The following GLB1 variants were observed in gnomAD, a reference collection of about 807,000 sequenced individuals.
The protein encoded by GLB1 is beta-galactosidase.
In GLB1, 56 loss-of-function variants were observed where a neutral mutation model predicts 74.0. That is an observed-to-expected ratio of 0.76 (90% CI 0.61 to 0.94). The LOEUF (loss-of-function observed/expected upper bound fraction) is 0.94, where lower values mean the gene tolerates loss of function less well. Among genes scored for constraint, GLB1 ranks in the 40% least tolerant of loss-of-function variants. The probability of loss-of-function intolerance (pLI) is 0.00; values close to 1 mark genes in which losing one functional copy is unlikely to be tolerated. For missense variants in GLB1, 787 were observed against 845.5 expected (o/e 0.93, Z 0.86); for synonymous variants, 323 against 323.6 (o/e 1.00, Z 0.02).
chr3:33,084,039 G>T (rs991565670), intron 1 of GLB1, among the ~76,000 whole-genome samples: 1 of 152,088 alleles, frequency 6.6e-6, no homozygotes, highest in African/African-American at 2.4e-5. Context: ...CTGTCTTCAG[G>T]TCCTTCAGTA....
rs1275287831 is a variant in GLB1 at position 33,074,320 on chromosome 3, A to AGAAAGAAGGAAGGAAGGAAG, written c.76-1627_76-1608dup. ...CGAGACTCCGTCAAAAGAAAGAACG[A>AGAAAGAAGGAAGGAAGGAAG]GAAAGAAGGAAGGAAGGAAGGAAGG... is the stretch of plus-strand genomic sequence containing the variant. On this transcript the variant is annotated intron_variant, in intron 1 of 15. Coordinates refer to ENST00000307363, the MANE Select transcript of GLB1 (RefSeq NM_000404.4). Among the ~76,000 whole-genome samples the AGAAAGAAGGAAGGAAGGAAG allele has an allele frequency of 5.4e-3, 597 of 110,124 alleles. 262 individuals carry two copies. The highest frequency in any genetic ancestry group is 0.033 in the East Asian group (107 of 3,286). 72.2% of individuals were successfully genotyped at this position (110,124 alleles called of 152,430 possible).
chr3:33,058,085 C>A lies in GLB1; in HGVS notation c.733+4G>T. On this transcript the variant is annotated splice_donor_region_variant and intron_variant, in intron 6 of 15. Transcript: ENST00000307363. ...CTGCAATTTCTGTTACTACAAACAC[C>A]AACCTGTTCCAAAGTCCACCGTGGT... The A allele has an allele frequency of 6.2e-7, 1 of 1,613,304 alleles. No homozygotes were observed. The highest frequency in any genetic ancestry group is 1.1e-5 in the South Asian group (1 of 91,040).
chr3:33,024,818 A>C (rs1339565988), intron 10 of GLB1, among the ~76,000 whole-genome samples: 1 of 152,234 alleles, frequency 6.6e-6, no homozygotes, highest in Admixed American at 6.5e-5. Context: ...GATGTATGCA[A>C]TCCTCCAATG....
intron 5 of GLB1, among the ~76,000 whole-genome samples, chr3:33,063,254 A>G (rs1247130147): frequency 3.9e-5 from 6 of 152,106 alleles, no homozygotes; most frequent in Admixed American, 3.9e-4. Flanking sequence ...AAAGCAGAAA[A>G]AAAAGGCATA....
At chr3:33,092,736 G>A in intron 1 of GLB1, 2 of 1,501,060 alleles carry the variant, frequency 1.3e-6, no homozygotes, top group East Asian at 2.3e-5. Context: ...GCAAGGATGA[G>A]TGGGCAAGGC....
Position 33,013,962 on chromosome 3 carries a change from G to A in GLB1, c.1734+94C>T, listed in dbSNP as rs112043764. On this transcript the variant is annotated intron_variant, in intron 15 of 15. Coordinates refer to ENST00000307363, the MANE Select transcript of GLB1 (RefSeq NM_000404.4). Reference sequence around the variant, plus strand: ...AACGCCACACTCAAAACCATCACACGATATCTCACTAACAGCTCTTTGTGA... The same window carrying A: ...AACGCCACACTCAAAACCATCACACAATATCTCACTAACAGCTCTTTGTGA... The A allele has an allele frequency of 3.3e-4, 522 of 1,599,682 alleles. 1 individual carries two copies. In the African/African-American group the frequency reaches 5.5e-3, roughly 17 times the overall value.
Position 33,058,126 on chromosome 3 carries a change from G to A in GLB1, c.696C>T (p.Ala232=). The A allele has an allele frequency of 6.2e-7, 1 of 1,613,880 alleles. No individual in the cohort carries two copies. Among genetic ancestry groups the A allele is most frequent in the Non-Finnish European group, 8.5e-7 (1 of 1,179,988 alleles). ...GAHKTFLKCG[A]LQGLYTTVDF... The stretch of plus-strand genomic sequence containing the variant: ...CCACCGTGGTGTAGAGGCCCTGCAG[G>A]GCCCCACATTTCAGGAATGTTTTAT... The change falls in exon 6 of 16, where the codon GCC becomes GCT. Residue 232 remains alanine, a synonymous_variant. Coordinates refer to ENST00000307363, the MANE Select transcript of GLB1 (RefSeq NM_000404.4).
rs768435736 is a variant in GLB1 at position 33,068,261 on chromosome 3, T to G, written c.426A>C (p.Lys142Asn). ...MGGLPAWLLE[K>N]ESILLRSSDP... ...CGGAGGAGCGGAGAAGAATAGACTC[T>G]TTCTCTAGCAGCCAAGCAGGTAATC... Residue 142 changes from lysine (K) to asparagine (N), a missense_variant, in exon 4 of 16, where the codon AAA becomes AAC. Coordinates refer to ENST00000307363, the MANE Select transcript of GLB1 (RefSeq NM_000404.4). 6.2e-7 allele frequency: 1 copy of G among 1,614,072 alleles called. No individual in the cohort carries two copies. Among genetic ancestry groups the G allele is most frequent in the South Asian group, 1.1e-5 (1 of 91,080 alleles).
At chr3:33,086,637 A>G (rs1365208523) in intron 1 of GLB1, among the ~76,000 whole-genome samples, 2 of 152,248 alleles carry the variant, frequency 1.3e-5, no homozygotes, top group African/African-American at 2.4e-5. Flanking sequence ...CCTGAATCCA[A>G]CCAGCCTCTA....
chr3:33,014,882 G>A (rs1315783050), intron 14 of GLB1, among the ~76,000 whole-genome samples: 8 of 152,154 alleles, frequency 5.3e-5, no homozygotes, highest in African/African-American at 1.4e-4. Flanking sequence ...CATGAGAATC[G>A]CTTGAACCTG....
At position 33,068,272 on chromosome 3, in the gene GLB1, G is replaced by T. The variant is rs761401801; in HGVS notation, c.415C>A (p.Leu139Met). Residue 139 changes from leucine (L) to methionine (M), a missense_variant, in exon 4 of 16, where the codon CTG (leucine) becomes ATG (methionine). Transcript: ENST00000307363. ...EWEMGGLPAW[L>M]LEKESILLRS... The stretch of plus-strand genomic sequence containing the variant: ...AGAAGAATAGACTCTTTCTCTAGCA[G>T]CCAAGCAGGTAATCCTCCCTAGTTC... The T allele has an allele frequency of 2.7e-5, 44 of 1,613,958 alleles. No homozygotes were observed. The highest frequency in any genetic ancestry group is 3.4e-6 in the Non-Finnish European group (4 of 1,180,004).
chr3:32,978,988 T>C, the GLB1 span, among the ~76,000 whole-genome samples: 1 of 150,770 alleles, frequency 6.6e-6, no homozygotes, highest in African/African-American at 2.4e-5. Flanking sequence ...TCTTTTTTTT[T>C]TTTCTGAGAT....
At chr3:33,096,386 CAGCCTGCCT>C in intron 1 of GLB1, 1 of 981,828 alleles carries the variant, frequency 1.0e-6, no homozygotes, top group Non-Finnish European at 1.2e-6. Context: ...CATCCCCCGG[CAGCCTGCCT>C]ATTCCCCCCC....
chr3:33,031,840 C>G (rs1698057984), intron 10 of GLB1, among the ~76,000 whole-genome samples: 1 of 151,470 alleles, frequency 6.6e-6, no homozygotes, highest in Non-Finnish European at 1.5e-5. Flanking sequence ...TCTTGTTACC[C>G]AGGCTGGAGT....
In GLB1 at chr3:33,074,381, G is replaced by GAAAGA. The variant is rs1559412918; in HGVS notation, c.76-1669_76-1668insTCTTT. Among the ~76,000 whole-genome samples, 14 of 9,506 alleles carry GAAAGA rather than the reference G, an allele frequency of 1.5e-3. 1 individual carries two copies. The South Asian group carries it at 0.024, about 16-fold the overall frequency. 6.2% of individuals were successfully genotyped at this position (9,506 alleles called of 152,430 possible). A position where few individuals can be genotyped will look rare whatever the true frequency, so the allele number is the denominator to read the frequency against. ...GGAAGGAAGGAAGGAAGGAAGGAAG[G>GAAAGA]AAGGAAGGAAGAAAGAAAGAAAGAA... On this transcript the variant is annotated intron_variant, in intron 1 of 15. Transcript: ENST00000307363.
intron 1 of GLB1, among the ~76,000 whole-genome samples, chr3:33,088,543 A>C (rs539224795): frequency 1.3e-5 from 2 of 152,298 alleles, no homozygotes; most frequent in Non-Finnish European, 1.5e-5. Flanking sequence ...CATATATAAA[A>C]GCATCAAAAA....
intron 2 of GLB1, among the ~76,000 whole-genome samples, chr3:33,071,806 C>A (rs563721678): frequency 6.6e-6 from 1 of 152,206 alleles, no homozygotes; most frequent in South Asian, 2.1e-4. Flanking sequence ...GCCAGAAAAC[C>A]TAGAAAGGTC....
chr3:33,017,668 T>C (rs1697290348), intron 13 of GLB1, among the ~76,000 whole-genome samples: 1 of 152,242 alleles, frequency 6.6e-6, no homozygotes, highest in African/African-American at 2.4e-5. Context: ...CGGTTCTTTG[T>C]GCATTTCAGT....
chr3:33,048,373 AAG>A (rs1698828987), intron 9 of GLB1, among the ~76,000 whole-genome samples: 1 of 152,210 alleles, frequency 6.6e-6, no homozygotes, highest in African/African-American at 2.4e-5. Flanking sequence ...CTGGCCACTT[AAG>A]AGGGTGTGAG....
Sources: gnomAD v4.1 joint callset for allele counts (sites outside exome capture counted in the v4.1 genomes callset) on GRCh38, gnomAD v4.1.1 for gene constraint, MANE v1.5 for transcripts, NCBI Gene and HGNC (gene_info 2026-07-23, HGNC 2026-07-21) for gene names.